The following AFG2A variants were observed in gnomAD, a reference collection of about 807,000 sequenced individuals.
AFG2A encodes ATPase family gene 2 protein homolog A.
At chr4:123,013,062 A>G in the AFG2A span, among the ~76,000 whole-genome samples, 1 of 151,692 alleles carries the variant, frequency 6.6e-6, no homozygotes, top group Non-Finnish European at 1.5e-5. Flanking sequence ...CAGCAAAGGG[A>G]GATAGGGGTG....
chr4:123,242,368 G>T, the AFG2A span, among the ~76,000 whole-genome samples: 1 of 152,220 alleles, frequency 6.6e-6, no homozygotes, highest in African/African-American at 2.4e-5. Context: ...TATACTACAA[G>T]GCTATAGTAA....
chr4:123,298,591 T>G, the AFG2A span, among the ~76,000 whole-genome samples: 1 of 152,204 alleles, frequency 6.6e-6, no homozygotes, highest in Non-Finnish European at 1.5e-5. Context: ...TCTACCTTGC[T>G]CAGAGACATT....
At chr4:123,038,302 A>G in the AFG2A span, among the ~76,000 whole-genome samples, 2 of 152,120 alleles carry the variant, frequency 1.3e-5, no homozygotes, top group African/African-American at 4.8e-5. Context: ...GATAAGACAT[A>G]GTAAGCATAT....
the AFG2A span, among the ~76,000 whole-genome samples, chr4:123,189,252 AG>A: frequency 6.6e-6 from 1 of 152,300 alleles, no homozygotes; most frequent in South Asian, 2.1e-4. Context: ...TGCCTTTTAT[AG>A]GAACTCTTTT....
chr4:123,024,757 A>T, the AFG2A span, among the ~76,000 whole-genome samples: 3 of 152,166 alleles, frequency 2.0e-5, no homozygotes, highest in African/African-American at 7.2e-5. Flanking sequence ...GATGTCATCG[A>T]GCACCCCGGA....
the AFG2A span, among the ~76,000 whole-genome samples, chr4:123,040,909 A>G: frequency 6.6e-6 from 1 of 152,142 alleles, no homozygotes; most frequent in South Asian, 2.1e-4. Context: ...TGTACAAATA[A>G]TTGATATACT....
At chr4:123,162,324 G>A in the AFG2A span, among the ~76,000 whole-genome samples, 1 of 152,298 alleles carries the variant, frequency 6.6e-6, no homozygotes, top group Middle Eastern at 3.4e-3. Flanking sequence ...CCATATAACA[G>A]AACCATCTAA....
chr4:123,200,808 T>C, the AFG2A span, among the ~76,000 whole-genome samples: 1 of 152,222 alleles, frequency 6.6e-6, no homozygotes, highest in Admixed American at 6.5e-5. Flanking sequence ...CTTCAAAAAG[T>C]AAATAAATCA....
chr4:123,116,044 C>G, the AFG2A span, among the ~76,000 whole-genome samples: 1 of 151,924 alleles, frequency 6.6e-6, no homozygotes, highest in Non-Finnish European at 1.5e-5. Flanking sequence ...GGACTACAGG[C>G]GGGTGCCACC....
At chr4:123,032,402 T>C in the AFG2A span, among the ~76,000 whole-genome samples, 1 of 152,158 alleles carries the variant, frequency 6.6e-6, no homozygotes, top group African/African-American at 2.4e-5. Flanking sequence ...ATCCTTTTTT[T>C]TTTCCTCTGA....
the AFG2A span, among the ~76,000 whole-genome samples, chr4:123,006,104 G>GT: frequency 0.4 from 59,936 of 148,458 alleles, 12,249 homozygotes; most frequent in South Asian, 0.61. Flanking sequence ...AACTTCTTCA[G>GT]TTTTTTTTTT....
the AFG2A span, among the ~76,000 whole-genome samples, chr4:123,038,931 A>G: frequency 1.2e-4 from 18 of 152,006 alleles, no homozygotes; most frequent in Admixed American, 6.6e-5. Context: ...TTTATACTAT[A>G]TTTTCACATT....
the AFG2A span, chr4:123,318,103 C>T: frequency 6.6e-6 from 1 of 152,214 alleles, no homozygotes; most frequent in African/African-American, 2.4e-5. Flanking sequence ...TCATTTAACT[C>T]AATTCCATGA....
chr4:123,008,852 G>A, the AFG2A span, among the ~76,000 whole-genome samples: 1 of 152,204 alleles, frequency 6.6e-6, no homozygotes, highest in Admixed American at 6.5e-5. Context: ...AAGTTTAAAG[G>A]TTTGGTATAA....
the AFG2A span, among the ~76,000 whole-genome samples, chr4:122,993,431 T>A: frequency 6.6e-6 from 1 of 152,212 alleles, no homozygotes. Context: ...CCAAAGACTT[T>A]TATATGGATA....
the AFG2A span, among the ~76,000 whole-genome samples, chr4:123,130,777 G>A: frequency 2.0e-5 from 3 of 152,194 alleles, no homozygotes; most frequent in African/African-American, 4.8e-5. Flanking sequence ...GATTCTAGGA[G>A]TGGATTTACT....
At chr4:123,163,272 A>G in the AFG2A span, among the ~76,000 whole-genome samples, 78 of 152,294 alleles carry the variant, frequency 5.1e-4, no homozygotes, top group Non-Finnish European at 8.8e-4. Flanking sequence ...CGTCTCTACT[A>G]AAAATACAAA....
At chr4:123,117,246 A>G in the AFG2A span, among the ~76,000 whole-genome samples, 1 of 152,176 alleles carries the variant, frequency 6.6e-6, no homozygotes, top group African/African-American at 2.4e-5. Flanking sequence ...CATTTCATAA[A>G]GGAGCTCTTG....
the AFG2A span, among the ~76,000 whole-genome samples, chr4:123,210,136 G>C: frequency 6.6e-6 from 1 of 152,100 alleles, no homozygotes; most frequent in Non-Finnish European, 1.5e-5. Flanking sequence ...TGGTGTGTAT[G>C]ATGTTTTGAT....
Sources: allele counts gnomAD v4.1 joint callset (sites outside exome capture counted in the v4.1 genomes callset), GRCh38; gene constraint gnomAD v4.1.1; transcripts MANE v1.5; gene names NCBI Gene and HGNC (gene_info 2026-07-23, HGNC 2026-07-21).